BEND5: variants seen among roughly 807,000 people sequenced by gnomAD.
BEND5 encodes the protein BEN domain containing 5.
Under a neutral mutation model 43.9 loss-of-function variants are expected in BEND5, and 22 were observed. That is an observed-to-expected ratio of 0.50 (90% CI 0.36 to 0.72). The LOEUF (loss-of-function observed/expected upper bound fraction) is 0.72, where lower values mean the gene tolerates loss of function less well. Among genes scored for constraint, BEND5 ranks in the 30% least tolerant of loss-of-function variants. BEND5 has a pLI of 0.00. For synonymous variants in BEND5, 228 were observed against 225.9 expected, an observed-to-expected ratio of 1.01 and a Z score of -0.08; for missense variants, 428 against 550.6, an observed-to-expected ratio of 0.78 and a Z score of 2.23.
At chr1:48,735,316 G>A (rs553806742) in intron 5 of BEND5, among the ~76,000 whole-genome samples, 1 of 152,258 alleles carries the variant, frequency 6.6e-6, no homozygotes, top group South Asian at 2.1e-4. Flanking sequence ...CCTTGCAGAT[G>A]AAGGCTGTGT....
rs1004336274 is a variant in BEND5 at position 48,736,620 on chromosome 1, G to A, written c.895-168C>T. Among the ~76,000 whole-genome samples, 3 of 152,166 alleles carry A rather than the reference G, an allele frequency of 2.0e-5. No individual in the cohort carries two copies. The highest frequency in any genetic ancestry group is 2.1e-4 in the South Asian group (1 of 4,818). On this transcript the variant is annotated intron_variant, in intron 4 of 5. Transcript: ENST00000371833. The surrounding 1 kb of genome is among the most constrained non-coding windows in gnomAD (Gnocchi z 4.0). ...GTAATAGCTATCATCTACTGAATAC[G>A]TGTAGTGTGCCAGGCCTTATTCTAG...
At chr1:48,744,973 CTTGATTGT>C (rs1650506661) in intron 3 of BEND5, among the ~76,000 whole-genome samples, 1 of 143,504 alleles carries the variant, frequency 7.0e-6, no homozygotes, top group South Asian at 2.3e-4. Flanking sequence ...CTTTGTGAGG[CTTGATTGT>C]CATCACTCCC....
Position 48,736,448 on chromosome 1 carries a change from T to C in BEND5, c.899A>G (p.His300Arg), listed in dbSNP as rs780217804. Reference protein sequence around the residue: ...DKYILDNGKVHLGSGIWVDEE... With the variant: ...DKYILDNGKVRLGSGIWVDEE... ...ATCAACCCAAATCCCGCTTCCCAGA[T>C]GGACCTGAGAGGAATAAGAACACCA... Residue 300 changes from histidine to arginine, a missense_variant, in exon 5 of 6, where the codon CAT becomes CGT. His to Arg is a conservative substitution (Grantham distance 29, BLOSUM62 0). This residue lies in a region of BEND5 where 75 missense variants were observed against 148.5 expected (regional missense o/e 0.50). Coordinates refer to ENST00000371833, the MANE Select transcript of BEND5 (RefSeq NM_024603.4). This position sits in a 1 kb window ranked among gnomAD's most constrained non-coding sequence, Gnocchi z 4.0. The C allele has an allele frequency of 6.2e-7, 1 of 1,614,096 alleles. No individual in the cohort carries two copies. The highest frequency in any genetic ancestry group is 8.5e-7 in the Non-Finnish European group (1 of 1,179,986).
intron 3 of BEND5, among the ~76,000 whole-genome samples, chr1:48,746,656 T>C (rs967852537): frequency 4.6e-5 from 7 of 152,196 alleles, no homozygotes; most frequent in Non-Finnish European, 1.0e-4. Context: ...CAAAGGTACA[T>C]CTTAAAAGGG....
chr1:48,733,832 G>A (rs149329941), intron 5 of BEND5, among the ~76,000 whole-genome samples: 6 of 152,254 alleles, frequency 3.9e-5, no homozygotes, highest in African/African-American at 1.4e-4. Flanking sequence ...TTCAACCTTC[G>A]TTTACTGAGT....
chr1:48,741,479 A>G (rs1649900107), intron 4 of BEND5, among the ~76,000 whole-genome samples: 1 of 152,252 alleles, frequency 6.6e-6, no homozygotes, highest in African/African-American at 2.4e-5. Flanking sequence ...GAAGGCAGCA[A>G]GGCAAGGCAG....
At chr1:48,755,565 G>A (rs1160232788) in intron 3 of BEND5, among the ~76,000 whole-genome samples, 1 of 152,174 alleles carries the variant, frequency 6.6e-6, no homozygotes. Flanking sequence ...CCTAACCCAG[G>A]ACATGTTTCT....
intron 3 of BEND5, among the ~76,000 whole-genome samples, chr1:48,756,801 C>A (rs1229226655): frequency 6.6e-6 from 1 of 152,170 alleles, no homozygotes; most frequent in Non-Finnish European, 1.5e-5. Context: ...ATGCCTGTAG[C>A]CCTGAGAGGA....
chr1:48,776,730 G>C lies in BEND5; in HGVS notation c.102C>G (p.Asn34Lys). ...CCCGGTACACGGCGTACACCTTCTG[G>C]TTGTCAAAATCCAGCCGCGAGCGGG... ...FSPRSRLDFD[N>K]QKVYAVYRGP... Residue 34 changes from asparagine (N) to lysine (K), a missense_variant, in exon 1 of 6, where the codon AAC (asparagine) becomes AAG (lysine). Physicochemically the swap from Asn to Lys is moderately conservative, Grantham distance 94. Coordinates refer to ENST00000371833, the MANE Select transcript of BEND5 (RefSeq NM_024603.4). 1 of 1,528,452 alleles carries C rather than the reference G, an allele frequency of 6.5e-7. No homozygotes were observed. The highest frequency in any genetic ancestry group is 8.8e-7 in the Non-Finnish European group (1 of 1,138,240). 94.7% of individuals were successfully genotyped at this position (1,528,452 alleles called of 1,614,324 possible).
At chr1:48,728,210 G>C (rs1448973744) in intron 5 of BEND5, among the ~76,000 whole-genome samples, 167 bp from the exon 6 acceptor site, 1 of 152,126 alleles carries the variant, frequency 6.6e-6, no homozygotes, top group Non-Finnish European at 1.5e-5. Flanking sequence ...ACTTAGAAAA[G>C]AGCAGATATA....
At chr1:48,755,661 T>A (rs184242923) in intron 3 of BEND5, among the ~76,000 whole-genome samples, 1 of 152,240 alleles carries the variant, frequency 6.6e-6, no homozygotes, top group Non-Finnish European at 1.5e-5. Flanking sequence ...TGTTTATAGA[T>A]CAGGATCTGT....
intron 3 of BEND5, among the ~76,000 whole-genome samples, chr1:48,747,816 G>A (rs1407031361): frequency 6.6e-6 from 1 of 152,076 alleles, no homozygotes; most frequent in Non-Finnish European, 1.5e-5. Context: ...TGTGACTTCC[G>A]GGTTTAGAAA....
At chr1:48,745,929 G>A (rs1650672529) in intron 3 of BEND5, among the ~76,000 whole-genome samples, 1 of 152,086 alleles carries the variant, frequency 6.6e-6, no homozygotes. Flanking sequence ...CCTACTAAAG[G>A]AGGAGGGAGC....
intron 1 of BEND5, among the ~76,000 whole-genome samples, chr1:48,775,954 T>C (rs149042842): frequency 3.5e-4 from 53 of 152,346 alleles, no homozygotes; most frequent in African/African-American, 1.2e-3. Flanking sequence ...TTAGGGCCTC[T>C]ACCTCCTTAC....
At chr1:48,749,547 C>T (rs1169585013) in intron 3 of BEND5, among the ~76,000 whole-genome samples, 1 of 152,218 alleles carries the variant, frequency 6.6e-6, no homozygotes, top group Admixed American at 6.5e-5. Flanking sequence ...TTCCACTACC[C>T]TACCCCTCCT....
chr1:48,776,875 G>A lies in BEND5; in HGVS notation c.-44C>T. 3 of 1,378,720 alleles carry A rather than the reference G, an allele frequency of 2.2e-6. No individual in the cohort carries two copies. Among genetic ancestry groups the A allele is most frequent in the South Asian group, 1.4e-5 (1 of 70,898 alleles). 85.4% of individuals were successfully genotyped at this position (1,378,720 alleles called of 1,614,324 possible). On this transcript the variant is annotated 5_prime_UTR_variant, in exon 1 of 6. Coordinates refer to ENST00000371833, the MANE Select transcript of BEND5 (RefSeq NM_024603.4). The stretch of plus-strand genomic sequence containing the variant: ...GCCCCGGTCGGGCAGCTCAGCCCGC[G>A]GGGCGGGCGCGGAGGTGGGGATCCG...
rs558464200 is a variant in BEND5 at position 48,734,950 on chromosome 1, C to T, written c.1108+1289G>A. Among the ~76,000 whole-genome samples the T allele has an allele frequency of 7.2e-5, 11 of 152,312 alleles. No individual in the cohort carries two copies. In the East Asian group the frequency reaches 1.9e-3, roughly 27 times the overall value. ...TAGTCAGTGGTTAGGAGCACAGATTCTGAAGACAGCCTGCTGGCTCGGGTT... is the reference window on the plus strand; with the variant it reads ...TAGTCAGTGGTTAGGAGCACAGATTTTGAAGACAGCCTGCTGGCTCGGGTT... On this transcript the variant is annotated intron_variant, in intron 5 of 5. Coordinates refer to ENST00000371833, the MANE Select transcript of BEND5 (RefSeq NM_024603.4).
rs1203804229 is a variant in BEND5 at position 48,736,012 on chromosome 1, C to T, written c.1108+227G>A. 6.6e-6 allele frequency among the ~76,000 whole-genome samples: 1 copy of T among 152,216 alleles called. No homozygotes were observed. Among genetic ancestry groups the T allele is most frequent in the Non-Finnish European group, 1.5e-5 (1 of 68,046 alleles). The stretch of plus-strand genomic sequence containing the variant: ...GCACACCATCTGTCCCTTTCTCATG[C>T]TAATTCCTTGTGGAATATAATCGTA... On this transcript the variant is annotated intron_variant, in intron 5 of 5. Coordinates refer to ENST00000371833, the MANE Select transcript of BEND5 (RefSeq NM_024603.4). The surrounding 1 kb of genome is among the most constrained non-coding windows in gnomAD (Gnocchi z 4.0).
intron 1 of BEND5, among the ~76,000 whole-genome samples, chr1:48,762,098 T>C (rs2148663812): frequency 6.6e-6 from 1 of 152,246 alleles, no homozygotes; most frequent in East Asian, 1.9e-4. Context: ...TCCAACTCGC[T>C]CATGTTACAT....
Sources: allele counts gnomAD v4.1 joint callset (sites outside exome capture counted in the v4.1 genomes callset), GRCh38; gene constraint gnomAD v4.1.1; regional missense constraint gnomAD v4.1.1; non-coding constraint Gnocchi (gnomAD v3.1); transcripts MANE v1.5; gene names NCBI Gene and HGNC (gene_info 2026-07-23, HGNC 2026-07-21).